SORCS1: variants seen among roughly 807,000 people sequenced by gnomAD.
SORCS1 encodes VPS10 domain-containing receptor SorCS1.
Under a neutral mutation model 146.1 loss-of-function variants are expected in SORCS1, and 60 were observed. That is an observed-to-expected ratio of 0.41 (90% CI 0.33 to 0.51). The LOEUF (loss-of-function observed/expected upper bound fraction) is 0.51, where lower values mean the gene tolerates loss of function less well. Among genes scored for constraint, SORCS1 ranks in the 20% least tolerant of loss-of-function variants. SORCS1 has a pLI of 0.21. For synonymous variants in SORCS1, 637 were observed against 584.0 expected (o/e 1.09, Z -1.31); for missense variants, 1,352 against 1,487.6 (o/e 0.91, Z 1.50).
chr10:107,055,188 C>A (rs1960491908), intron 1 of SORCS1, among the ~76,000 whole-genome samples: 1 of 152,138 alleles, frequency 6.6e-6, no homozygotes, highest in South Asian at 2.1e-4. Context: ...TTCCTAGTTT[C>A]TTCTAGTTTA....
At chr10:106,797,940 G>C (rs976157034) in intron 3 of SORCS1, among the ~76,000 whole-genome samples, 1 of 152,184 alleles carries the variant, frequency 6.6e-6, no homozygotes, top group Non-Finnish European at 1.5e-5. Context: ...GACACAGAAA[G>C]TTTACCGGAA....
At chr10:106,786,932 T>A (rs1946082343) in intron 3 of SORCS1, among the ~76,000 whole-genome samples, 1 of 152,160 alleles carries the variant, frequency 6.6e-6, no homozygotes, top group East Asian at 1.9e-4. Flanking sequence ...CAGATTAAGG[T>A]AAGTGTATTT....
chr10:106,885,804 C>G (rs573703017), intron 2 of SORCS1, among the ~76,000 whole-genome samples: 2 of 152,238 alleles, frequency 1.3e-5, no homozygotes, highest in African/African-American at 4.8e-5. Context: ...CCATACTGCT[C>G]TCATGGTAGT....
chr10:106,686,308 G>T (rs973729831), intron 10 of SORCS1, among the ~76,000 whole-genome samples: 1 of 152,160 alleles, frequency 6.6e-6, no homozygotes, highest in African/African-American at 2.4e-5. Flanking sequence ...TTCTGACACT[G>T]CGTTGGGGGT....
intron 6 of SORCS1, among the ~76,000 whole-genome samples, chr10:106,718,631 T>TGGGTTGCCACTGCTGGCTG (rs1855556363): frequency 6.6e-6 from 1 of 152,176 alleles, no homozygotes; most frequent in Admixed American, 6.5e-5. Context: ...GGAACCCGAG[T>TGGGTTGCCACTGCTGGCTG]GGGTTGCCAC....
intron 19 of SORCS1, among the ~76,000 whole-genome samples, chr10:106,626,653 G>A (rs548709033): frequency 6.6e-6 from 1 of 152,312 alleles, no homozygotes; most frequent in Admixed American, 6.5e-5. Flanking sequence ...TGAAAGAAAA[G>A]GCCAGAAGTC....
intron 3 of SORCS1, among the ~76,000 whole-genome samples, chr10:106,806,745 GA>G (rs1947207862): frequency 6.6e-6 from 1 of 151,794 alleles, no homozygotes. Context: ...TCCACCTCCT[GA>G]CCTCGTGATC....
chr10:106,906,168 G>A (rs1951901613), intron 2 of SORCS1, among the ~76,000 whole-genome samples: 1 of 152,226 alleles, frequency 6.6e-6, no homozygotes. Flanking sequence ...AGGCTGGAGG[G>A]CACTGGCATG....
At chr10:107,056,488 G>C (rs1960650687) in intron 1 of SORCS1, among the ~76,000 whole-genome samples, 1 of 152,196 alleles carries the variant, frequency 6.6e-6, no homozygotes, top group African/African-American at 2.4e-5. Flanking sequence ...TTCTGAGAAA[G>C]AGAATGAGGT....
intron 1 of SORCS1, among the ~76,000 whole-genome samples, chr10:107,026,677 G>C (rs913676175): frequency 6.6e-6 from 1 of 151,786 alleles, no homozygotes; most frequent in East Asian, 1.9e-4. Flanking sequence ...AAAGAGAGAA[G>C]AAAAAAGATA....
chr10:106,849,897 CG>C (rs1405616933), intron 2 of SORCS1, among the ~76,000 whole-genome samples: 9 of 151,910 alleles, frequency 5.9e-5, no homozygotes, highest in Non-Finnish European at 1.0e-4. Context: ...TTAGGCTGCT[CG>C]GGGGTCAGGG....
chr10:107,166,794 AC>A (rs1174474041), upstream of SORCS1, among the ~76,000 whole-genome samples: 2 of 152,254 alleles, frequency 1.3e-5, no homozygotes, highest in Non-Finnish European at 2.9e-5. Context: ...AAGAATCAGA[AC>A]CCAAATAAAT....
intron 1 of SORCS1, among the ~76,000 whole-genome samples, chr10:107,023,465 T>A (rs1435706472): frequency 6.6e-6 from 1 of 152,186 alleles, no homozygotes; most frequent in African/African-American, 2.4e-5. Context: ...TGCACCAAAT[T>A]TAATCCCATA....
At chr10:106,756,815 T>A (rs1858677877) in intron 5 of SORCS1, among the ~76,000 whole-genome samples, 1 of 152,144 alleles carries the variant, frequency 6.6e-6, no homozygotes, top group Non-Finnish European at 1.5e-5. Flanking sequence ...CAGGAAAGGA[T>A]CTTCAAGCCT....
chr10:106,850,391 C>A (rs1589548754), intron 2 of SORCS1, among the ~76,000 whole-genome samples: 1 of 151,660 alleles, frequency 6.6e-6, no homozygotes, highest in African/African-American at 2.4e-5. Context: ...GGAAAGGGAA[C>A]TCCCTGACCC....
chr10:106,975,876 G>A (rs1955971439), intron 1 of SORCS1, among the ~76,000 whole-genome samples: 2 of 152,080 alleles, frequency 1.3e-5, no homozygotes, highest in African/African-American at 4.8e-5. Flanking sequence ...GGCTGGGCAT[G>A]GTGGCTCACA....
chr10:107,074,904 T>A (rs1003357078), intron 1 of SORCS1, among the ~76,000 whole-genome samples: 1 of 152,162 alleles, frequency 6.6e-6, no homozygotes, highest in African/African-American at 2.4e-5. Context: ...TTTGTAAATG[T>A]TTTTTAAATA....
chr10:106,788,995 A>G lies in SORCS1; in HGVS notation c.727-12303T>C, dbSNP rs554907363. Among the ~76,000 whole-genome samples, 6 of 152,344 alleles carry G rather than the reference A, an allele frequency of 3.9e-5. No homozygotes were observed. The East Asian group carries it at 9.7e-4, about 25-fold the overall frequency. ...TCCATACATCCTCTAAAATCTAGGTAGAGGTTCCCAAATCTCAATTCTTGA... is the reference window on the plus strand; with the variant it reads ...TCCATACATCCTCTAAAATCTAGGTGGAGGTTCCCAAATCTCAATTCTTGA... On this transcript the variant is annotated intron_variant, in intron 3 of 25. Coordinates refer to ENST00000263054, the MANE Select transcript of SORCS1 (RefSeq NM_052918.5).
intron 14 of SORCS1, among the ~76,000 whole-genome samples, chr10:106,674,152 TAAA>T (rs35781544): frequency 7.9e-6 from 1 of 126,396 alleles, no homozygotes; most frequent in Admixed American, 8.2e-5. Flanking sequence ...CTGTCTCTAC[TAAA>T]AAAAAAAAAA....
Sources: gnomAD v4.1 joint callset for allele counts (sites outside exome capture counted in the v4.1 genomes callset) on GRCh38, gnomAD v4.1.1 for gene constraint, MANE v1.5 for transcripts, NCBI Gene and HGNC (gene_info 2026-07-23, HGNC 2026-07-21) for gene names.